The following CNOT4 variants were observed in gnomAD, a reference collection of about 807,000 sequenced individuals.
CNOT4 encodes CCR4-NOT transcription complex subunit 4, also known as CCR4-associated factor 4.
In CNOT4, 8 loss-of-function variants were observed where a neutral mutation model predicts 73.8. The ratio of observed to expected loss-of-function variants is 0.11; its 90% CI spans 0.06 to 0.20. The LOEUF is 0.20. Among genes scored for constraint, CNOT4 ranks in the 10% least tolerant of loss-of-function variants. The pLI is 1.00. For missense variants in CNOT4, 564 were observed against 883.4 expected (o/e 0.64, Z 4.58); for synonymous variants, 293 against 321.1 (o/e 0.91, Z 0.94).
chr7:135,413,788 G>T (rs1281947465), intron 5 of CNOT4, among the ~76,000 whole-genome samples, 175 bp from the exon 6 acceptor site: 1 of 152,026 alleles, frequency 6.6e-6, no homozygotes, highest in Non-Finnish European at 1.5e-5. Context: ...ATTTATTATA[G>T]ATGAGGCTCA....
At chr7:135,467,927 A>G (rs1801320393) in intron 1 of CNOT4, among the ~76,000 whole-genome samples, 1 of 152,044 alleles carries the variant, frequency 6.6e-6, no homozygotes, top group South Asian at 2.1e-4. Context: ...AAACATCATT[A>G]CAGATCGGCC....
At chr7:135,471,383 G>T (rs909692270) in intron 1 of CNOT4, among the ~76,000 whole-genome samples, 3 of 152,062 alleles carry the variant, frequency 2.0e-5, no homozygotes, top group Non-Finnish European at 2.9e-5. Flanking sequence ...TATAAAATCT[G>T]AGGGTCCTCA....
intron 10 of CNOT4, chr7:135,388,640 C>A (rs1796244098): frequency 7.0e-6 from 9 of 1,281,962 alleles, no homozygotes; most frequent in Non-Finnish European, 9.0e-6. Context: ...ACTTCAACAA[C>A]TATGAGGTAA....
intron 10 of CNOT4, among the ~76,000 whole-genome samples, chr7:135,393,021 T>C (rs911483992): frequency 7.2e-5 from 11 of 152,214 alleles, no homozygotes; most frequent in Non-Finnish European, 1.6e-4. Context: ...TGAGAAACTA[T>C]TGTATTCTAC....
chr7:135,420,028 G>C (rs1798092878), intron 3 of CNOT4, among the ~76,000 whole-genome samples: 1 of 27,150 alleles, frequency 3.7e-5, no homozygotes, highest in Admixed American at 5.6e-4. Flanking sequence ...CTCCAGCCTG[G>C]GCAAAAAACA....
intron 1 of CNOT4, among the ~76,000 whole-genome samples, chr7:135,501,587 C>T (rs1358144019): frequency 6.6e-6 from 1 of 152,170 alleles, no homozygotes; most frequent in East Asian, 1.9e-4. Flanking sequence ...AAATATGCTG[C>T]ACACTATTGA....
intron 1 of CNOT4, among the ~76,000 whole-genome samples, chr7:135,442,563 C>T (rs1799546640): frequency 1.3e-5 from 2 of 152,148 alleles, no homozygotes; most frequent in African/African-American, 4.8e-5. Context: ...TGTGCCACTG[C>T]ACTGCAGCCT....
chr7:135,401,846 TGAGA>T (rs1398277338), intron 7 of CNOT4, among the ~76,000 whole-genome samples: 1 of 152,152 alleles, frequency 6.6e-6, no homozygotes, highest in Admixed American at 6.5e-5. Context: ...TGTCATGATC[TGAGA>T]GAAAGAGAAA....
At chr7:135,396,352 C>T (rs1796691737) in intron 8 of CNOT4, among the ~76,000 whole-genome samples, 1 of 151,980 alleles carries the variant, frequency 6.6e-6, no homozygotes, top group Admixed American at 6.6e-5. Flanking sequence ...CTCCTGACCT[C>T]GTGATCCACC....
intron 1 of CNOT4, among the ~76,000 whole-genome samples, chr7:135,461,591 G>C (rs1800878161): frequency 6.6e-6 from 1 of 152,112 alleles, no homozygotes; most frequent in Admixed American, 6.5e-5. Context: ...AAACACTTTG[G>C]GAGGCCGAGG....
intron 1 of CNOT4, among the ~76,000 whole-genome samples, chr7:135,479,523 T>C (rs1802227494): frequency 6.6e-6 from 1 of 152,060 alleles, no homozygotes; most frequent in Non-Finnish European, 1.5e-5. Context: ...CCAAGTATTT[T>C]AATCCTCACC....
intron 1 of CNOT4, among the ~76,000 whole-genome samples, chr7:135,491,427 T>C (rs1346945462): frequency 6.6e-6 from 1 of 152,124 alleles, no homozygotes; most frequent in Non-Finnish European, 1.5e-5. Context: ...ACCAAGTAAA[T>C]GTAGTAGCCT....
At chr7:135,480,069 G>A (rs1293949451) in intron 1 of CNOT4, among the ~76,000 whole-genome samples, 1 of 152,084 alleles carries the variant, frequency 6.6e-6, no homozygotes, top group Non-Finnish European at 1.5e-5. Context: ...TGCAAAAAAT[G>A]CTGCTTATTT....
intron 8 of CNOT4, 55 bp downstream of exon 8, chr7:135,398,114 A>G: frequency 1.1e-6 from 1 of 937,402 alleles, no homozygotes; most frequent in South Asian, 1.4e-5. Flanking sequence ...TGCATGGAAT[A>G]CCTTGCTTTC....
chr7:135,490,983 G>C (rs756603015), intron 1 of CNOT4, among the ~76,000 whole-genome samples: 10 of 152,210 alleles, frequency 6.6e-5, no homozygotes, highest in Non-Finnish European at 1.2e-4. Context: ...CTGAAGGAAT[G>C]AATGTTGGAT....
chr7:135,452,387 T>C (rs946313781), intron 1 of CNOT4, among the ~76,000 whole-genome samples: 8 of 152,146 alleles, frequency 5.3e-5, no homozygotes, highest in Non-Finnish European at 8.8e-5. Flanking sequence ...CTGGCCAACA[T>C]GGCGAAACCC....
rs1431802174 is a variant in CNOT4, at chr7:135,422,249, T to C, written c.279A>G (p.Ile93Met). The change falls in exon 3 of 12, where the codon ATA becomes ATG. Residue 93 changes from isoleucine to methionine, a missense_variant. By Grantham distance (10) the Ile-to-Met change is conservative. This residue lies in a region of CNOT4 where 76 missense variants were observed against 208.7 expected (regional missense o/e 0.36). Coordinates refer to ENST00000541284, the MANE Select transcript of CNOT4 (RefSeq NM_001190850.2). ...KQKQNERKQK[I>M]SENRKHLASV... The stretch of plus-strand genomic sequence containing the variant: ...TAGCCAAATGTTTGCGATTTTCTGA[T>C]ATTTTCTGTTTTCTCTCATTTTGTT... 6 of 1,602,056 alleles carry C rather than the reference T, an allele frequency of 3.7e-6. No homozygotes were observed. Among genetic ancestry groups the C allele is most frequent in the Non-Finnish European group, 5.1e-6 (6 of 1,168,972 alleles).
intron 1 of CNOT4, among the ~76,000 whole-genome samples, chr7:135,447,684 C>T (rs1218807697): frequency 6.6e-6 from 1 of 152,146 alleles, no homozygotes; most frequent in Non-Finnish European, 1.5e-5. Flanking sequence ...AAGAGTGTGA[C>T]GTTCAAGCCT....
At chr7:135,419,214 A>G (rs1798040543) in intron 3 of CNOT4, among the ~76,000 whole-genome samples, 1 of 152,166 alleles carries the variant, frequency 6.6e-6, no homozygotes, top group African/African-American at 2.4e-5. Context: ...TTGGTATGCA[A>G]AAATTATTTT....
Sources: allele counts gnomAD v4.1 joint callset (sites outside exome capture counted in the v4.1 genomes callset), GRCh38; gene constraint gnomAD v4.1.1; regional missense constraint gnomAD v4.1.1; transcripts MANE v1.5; gene names NCBI Gene and HGNC (gene_info 2026-07-23, HGNC 2026-07-21).